Variants in CIMIP6 observed in about 807,000 individuals in gnomAD.
CIMIP6 encodes the protein ciliary microtubule inner protein 6.
the CIMIP6 span, among the ~76,000 whole-genome samples, chr2:54,347,478 T>A: frequency 2.6e-5 from 4 of 152,206 alleles, no homozygotes; most frequent in African/African-American, 9.7e-5. Flanking sequence ...GCATATGATT[T>A]TTTGCTTTAA....
chr2:54,333,094 A>T, the CIMIP6 span, among the ~76,000 whole-genome samples: 1 of 152,198 alleles, frequency 6.6e-6, no homozygotes, highest in African/African-American at 2.4e-5. Flanking sequence ...CAGTCCATTT[A>T]CCTTGGATGA....
At chr2:54,351,907 C>T in the CIMIP6 span, among the ~76,000 whole-genome samples, 2 of 151,862 alleles carry the variant, frequency 1.3e-5, no homozygotes, top group Non-Finnish European at 2.9e-5. Context: ...ATAAATTAAA[C>T]CTAATAAATC....
chr2:54,366,961 T>C, the CIMIP6 span, among the ~76,000 whole-genome samples: 6 of 152,060 alleles, frequency 3.9e-5, no homozygotes, highest in African/African-American at 1.5e-4. Flanking sequence ...ATAACCATCT[T>C]AGAGATGATG....
chr2:54,362,215 C>A, the CIMIP6 span, among the ~76,000 whole-genome samples: 7 of 152,072 alleles, frequency 4.6e-5, no homozygotes, highest in East Asian at 1.2e-3. Flanking sequence ...AAAAAGGAAT[C>A]CCTGTTAAAG....
the CIMIP6 span, among the ~76,000 whole-genome samples, chr2:54,335,550 G>A: frequency 1.3e-5 from 2 of 152,194 alleles, no homozygotes; most frequent in African/African-American, 2.4e-5. Context: ...AAATGTCACA[G>A]TCATATTTCT....
chr2:54,366,354 A>T, the CIMIP6 span, among the ~76,000 whole-genome samples: 1 of 152,186 alleles, frequency 6.6e-6, no homozygotes, highest in Non-Finnish European at 1.5e-5. Context: ...ACATCATCAA[A>T]CACACCTGGA....
the CIMIP6 span, among the ~76,000 whole-genome samples, chr2:54,377,835 A>AC: frequency 2.0e-5 from 3 of 152,156 alleles, no homozygotes; most frequent in African/African-American, 7.2e-5. Context: ...AATTTCATTA[A>AC]CCTTTAAGCC....
chr2:54,356,929 G>A, the CIMIP6 span, among the ~76,000 whole-genome samples: 3 of 152,016 alleles, frequency 2.0e-5, no homozygotes, highest in East Asian at 1.9e-4. Flanking sequence ...AACTGTGTCC[G>A]CACATACTAA....
chr2:54,352,621 TG>T, the CIMIP6 span, among the ~76,000 whole-genome samples: 4 of 152,332 alleles, frequency 2.6e-5, no homozygotes, highest in South Asian at 8.3e-4. Context: ...ATGGTTACCT[TG>T]TTGCACAGTC....
the CIMIP6 span, among the ~76,000 whole-genome samples, chr2:54,348,235 C>T: frequency 6.6e-6 from 1 of 152,326 alleles, no homozygotes; most frequent in South Asian, 2.1e-4. Flanking sequence ...ATAATTCCTA[C>T]TTTGCAGGAT....
At chr2:54,341,231 G>A in the CIMIP6 span, among the ~76,000 whole-genome samples, 1 of 152,174 alleles carries the variant, frequency 6.6e-6, no homozygotes, top group African/African-American at 2.4e-5. Context: ...GTATTAAAAG[G>A]TGGGACCCTT....
At chr2:54,336,667 T>C in the CIMIP6 span, among the ~76,000 whole-genome samples, 1 of 152,106 alleles carries the variant, frequency 6.6e-6, no homozygotes, top group African/African-American at 2.4e-5. Flanking sequence ...ATCAAACAAG[T>C]AAGCTGTATT....
the CIMIP6 span, chr2:54,360,359 C>T: frequency 6.2e-7 from 1 of 1,610,370 alleles, no homozygotes; most frequent in Non-Finnish European, 8.5e-7. Flanking sequence ...AATGATCTCA[C>T]CAGGTCTCTG....
the CIMIP6 span, among the ~76,000 whole-genome samples, chr2:54,371,331 T>G: frequency 6.6e-6 from 1 of 152,218 alleles, no homozygotes; most frequent in Non-Finnish European, 1.5e-5. Context: ...CCACTGGGGC[T>G]GACACCCTTC....
chr2:54,347,600 G>A, the CIMIP6 span, among the ~76,000 whole-genome samples: 1 of 152,096 alleles, frequency 6.6e-6, no homozygotes. Flanking sequence ...GGAGCGATGG[G>A]CTTTTTCTGG....
the CIMIP6 span, among the ~76,000 whole-genome samples, chr2:54,352,415 G>A: frequency 6.6e-6 from 1 of 152,272 alleles, no homozygotes; most frequent in South Asian, 2.1e-4. Flanking sequence ...GTATTATTGT[G>A]ATTATTACAG....
the CIMIP6 span, chr2:54,360,717 C>G: frequency 6.4e-6 from 5 of 778,664 alleles, no homozygotes; most frequent in South Asian, 1.2e-4. Flanking sequence ...AAAATACAAC[C>G]AAATGTTATT....
At chr2:54,351,401 A>G in the CIMIP6 span, among the ~76,000 whole-genome samples, 1 of 152,244 alleles carries the variant, frequency 6.6e-6, no homozygotes, top group East Asian at 1.9e-4. Flanking sequence ...TAGACTGCTT[A>G]AAGAAAATGT....
the CIMIP6 span, among the ~76,000 whole-genome samples, chr2:54,356,941 G>A: frequency 6.6e-6 from 1 of 152,024 alleles, no homozygotes; most frequent in Non-Finnish European, 1.5e-5. Context: ...ACATACTAAT[G>A]TTCTGTGAGT....
Sources: allele counts gnomAD v4.1 joint callset (sites outside exome capture counted in the v4.1 genomes callset), GRCh38; gene constraint gnomAD v4.1.1; transcripts MANE v1.5; gene names NCBI Gene and HGNC (gene_info 2026-07-23, HGNC 2026-07-21).